The following RALYL variants were observed in gnomAD, a reference collection of about 807,000 sequenced individuals.
RALYL encodes RALY RNA binding protein like, also known as RNA-binding Raly-like protein.
In RALYL, 29 loss-of-function variants were observed where a neutral mutation model predicts 35.1. The observed-to-expected ratio is 0.83, with a 90% confidence interval of 0.61 to 1.13. The LOEUF (loss-of-function observed/expected upper bound fraction) is 1.13. RALYL is among the 50% of genes most tolerant of loss of function. RALYL has a pLI of 0.00. For missense variants in RALYL, 359 were observed against 360.4 expected, an observed-to-expected ratio of 1.00 and a Z score of 0.03; for synonymous variants, 120 against 127.6, an observed-to-expected ratio of 0.94 and a Z score of 0.40.
At chr8:84,746,483 C>T (rs1183276789) in intron 2 of RALYL, among the ~76,000 whole-genome samples, 2 of 151,818 alleles carry the variant, frequency 1.3e-5, no homozygotes, top group Non-Finnish European at 2.9e-5. Flanking sequence ...CACATCAAAC[C>T]CAAGTACAGT....
intron 4 of RALYL, among the ~76,000 whole-genome samples, chr8:84,830,082 G>A (rs1173873064): frequency 1.3e-5 from 2 of 150,218 alleles, no homozygotes; most frequent in Non-Finnish European, 1.5e-5. Flanking sequence ...GAAAAATGAG[G>A]CACTAAATAG....
intron 1 of RALYL, among the ~76,000 whole-genome samples, chr8:84,282,592 T>C (rs1410979818): frequency 6.6e-6 from 1 of 151,994 alleles, no homozygotes; most frequent in Non-Finnish European, 1.5e-5. Flanking sequence ...TTTTGCAAGG[T>C]CCTGTTTATT....
intron 1 of RALYL, among the ~76,000 whole-genome samples, chr8:84,210,762 A>G (rs1300366151): frequency 1.3e-5 from 2 of 152,082 alleles, no homozygotes; most frequent in Non-Finnish European, 2.9e-5. Context: ...GCAAGGCTCT[A>G]TGCCATTCAT....
chr8:84,434,885 C>T (rs530861522), intron 1 of RALYL, among the ~76,000 whole-genome samples: 1 of 152,104 alleles, frequency 6.6e-6, no homozygotes, highest in African/African-American at 2.4e-5. Context: ...CTTGATCAAA[C>T]TGCTAATATT....
chr8:84,715,278 G>A (rs911587537), intron 2 of RALYL, among the ~76,000 whole-genome samples: 1 of 151,730 alleles, frequency 6.6e-6, no homozygotes, highest in Non-Finnish European at 1.5e-5. Context: ...ATTTACATAA[G>A]AGAGCAATAA....
chr8:84,316,053 C>G (rs1843693498), intron 1 of RALYL, among the ~76,000 whole-genome samples: 1 of 152,048 alleles, frequency 6.6e-6, no homozygotes, highest in Non-Finnish European at 1.5e-5. Context: ...GTAAAAGTGT[C>G]TTCCACTTTT....
chr8:84,632,918 T>G (rs1366075960), intron 2 of RALYL, among the ~76,000 whole-genome samples: 6 of 151,882 alleles, frequency 4.0e-5, no homozygotes, highest in Admixed American at 3.9e-4. Flanking sequence ...GAACATGACT[T>G]TATAATGACT....
At chr8:84,416,229 T>C (rs1481442803) in intron 1 of RALYL, among the ~76,000 whole-genome samples, 2 of 152,200 alleles carry the variant, frequency 1.3e-5, no homozygotes, top group Non-Finnish European at 2.9e-5. Flanking sequence ...AATACAAAAG[T>C]AGACAAAAGT....
intron 5 of RALYL, among the ~76,000 whole-genome samples, 200 bp from the exon 6 acceptor site, chr8:84,862,096 G>A (rs1838213029): frequency 6.6e-6 from 1 of 152,188 alleles, no homozygotes; most frequent in African/African-American, 2.4e-5. Context: ...AGTCCAGAAA[G>A]CATAGACTAT....
chr8:84,289,783 T>A (rs577744625), intron 1 of RALYL, among the ~76,000 whole-genome samples: 78 of 152,324 alleles, frequency 5.1e-4, no homozygotes, highest in African/African-American at 1.8e-3. Context: ...TACATTTTTT[T>A]ATACTGTTTA....
chr8:84,891,123 C>T (rs188601706), intron 8 of RALYL, among the ~76,000 whole-genome samples: 49 of 152,062 alleles, frequency 3.2e-4, no homozygotes, highest in Admixed American at 2.6e-3. Context: ...GGGATCAGTG[C>T]GAAAGTCACA....
intron 1 of RALYL, among the ~76,000 whole-genome samples, chr8:84,406,362 C>T (rs1031860591): frequency 4.6e-5 from 7 of 151,914 alleles, no homozygotes; most frequent in Non-Finnish European, 2.9e-5. Context: ...GTTATATTGC[C>T]TCTTGTGACC....
At chr8:84,482,353 T>C (rs575653957) in intron 1 of RALYL, among the ~76,000 whole-genome samples, 13 of 152,242 alleles carry the variant, frequency 8.5e-5, no homozygotes, top group Middle Eastern at 3.4e-3. Flanking sequence ...GATCTGGTTA[T>C]AGTGAATATT....
At chr8:84,492,665 G>A (rs1436266095) in intron 1 of RALYL, among the ~76,000 whole-genome samples, 1 of 151,900 alleles carries the variant, frequency 6.6e-6, no homozygotes. Flanking sequence ...AAATGTACTG[G>A]ATACCAGAAA....
chr8:84,835,659 G>C (rs973713039), intron 4 of RALYL, among the ~76,000 whole-genome samples: 1 of 145,042 alleles, frequency 6.9e-6, no homozygotes, highest in Non-Finnish European at 1.5e-5. Flanking sequence ...CTCCAGCCTG[G>C]GCAACAAAAG....
At chr8:84,286,509 T>C (rs1837650987) in intron 1 of RALYL, among the ~76,000 whole-genome samples, 1 of 152,132 alleles carries the variant, frequency 6.6e-6, no homozygotes, top group Non-Finnish European at 1.5e-5. Context: ...CAAGAGAAAG[T>C]GTGACATTTA....
chr8:84,280,638 C>T (rs1836350463), intron 1 of RALYL, among the ~76,000 whole-genome samples: 1 of 151,698 alleles, frequency 6.6e-6, no homozygotes, highest in Admixed American at 6.6e-5. Context: ...CTCAAAGACC[C>T]TGACTTTATC....
chr8:84,183,717 C>A lies in RALYL; in HGVS notation c.-731C>A, dbSNP rs928474670. On this transcript the variant is annotated 5_prime_UTR_variant, in exon 1 of 9. Coordinates refer to ENST00000521268, the MANE Select transcript of RALYL (RefSeq NM_173848.7). ...TTTATATTTGGGAAAGCTGGAGGAG[C>A]ATGGTTTTGAGCCTTTTCCTGAATC... The A allele has an allele frequency of 6.6e-6, 1 of 151,144 alleles. No homozygotes were observed. The highest frequency in any genetic ancestry group is 1.5e-5 in the Non-Finnish European group (1 of 67,858). 9.4% of individuals were successfully genotyped at this position (151,144 alleles called of 1,614,324 possible). A position where few individuals can be genotyped will look rare whatever the true frequency, so the allele number is the denominator to read the frequency against.
chr8:84,371,382 A>C (rs1257906402), intron 1 of RALYL, among the ~76,000 whole-genome samples: 1 of 152,010 alleles, frequency 6.6e-6, no homozygotes, highest in Non-Finnish European at 1.5e-5. Flanking sequence ...TCCGTCACAA[A>C]AAAAGCCACA....
Sources: allele counts gnomAD v4.1 joint callset (sites outside exome capture counted in the v4.1 genomes callset), GRCh38; gene constraint gnomAD v4.1.1; transcripts MANE v1.5; gene names NCBI Gene and HGNC (gene_info 2026-07-23, HGNC 2026-07-21).